The following DHRS3 variants were observed in gnomAD, a reference collection of about 807,000 sequenced individuals.
DHRS3 encodes dehydrogenase/reductase 3, also known as short-chain dehydrogenase/reductase 3.
In DHRS3, 14 loss-of-function variants were observed where a neutral mutation model predicts 27.2. That is an observed-to-expected ratio of 0.52 (90% confidence interval 0.34 to 0.81). The LOEUF (loss-of-function observed/expected upper bound fraction) is 0.81. Ranked by LOEUF, DHRS3 falls within the 30% of genes least tolerant of loss-of-function variation. The pLI is 0.01. For synonymous variants in DHRS3, 165 were observed against 175.9 expected (o/e 0.94, Z 0.49); for missense variants, 322 against 406.2 (o/e 0.79, Z 1.78).
Position 12,578,609 on chromosome 1 carries a change from G to A in DHRS3, c.698+109C>T, listed in dbSNP as rs969106565. 12 of 1,144,344 alleles carry A rather than the reference G, an allele frequency of 1.0e-5. No homozygotes were observed. Among genetic ancestry groups the A allele is most frequent in the South Asian group, 4.2e-5 (3 of 72,002 alleles). The allele number at this position is 1,144,344 out of a possible 1,614,324, so 70.9% of individuals were successfully genotyped here. ...GCTAGGATTATAGGTATGAGGCACCGTGCCTAGCCCGATTTTTATATCAGA... is the reference window on the plus strand; with the variant it reads ...GCTAGGATTATAGGTATGAGGCACCATGCCTAGCCCGATTTTTATATCAGA... On this transcript the variant is annotated intron_variant, in intron 4 of 5. Coordinates refer to ENST00000616661, the MANE Select transcript of DHRS3 (RefSeq NM_004753.7). This position sits in a 1 kb window ranked among gnomAD's most constrained non-coding sequence, Gnocchi z 4.5.
chr1:12,596,603 G>C (rs1646799662), intron 1 of DHRS3, among the ~76,000 whole-genome samples: 1 of 152,146 alleles, frequency 6.6e-6, no homozygotes, highest in African/African-American at 2.4e-5. Context: ...TCAGAGCTGA[G>C]AGCCTGCACT....
intron 1 of DHRS3, among the ~76,000 whole-genome samples, chr1:12,612,851 G>C (rs1646919561): frequency 6.6e-6 from 1 of 152,080 alleles, no homozygotes; most frequent in African/African-American, 2.4e-5. Flanking sequence ...CTGAGGTTGG[G>C]AGTTCGAGAC....
intron 1 of DHRS3, among the ~76,000 whole-genome samples, chr1:12,616,320 G>A (rs1330791075): frequency 6.6e-6 from 1 of 152,148 alleles, no homozygotes; most frequent in Non-Finnish European, 1.5e-5. Flanking sequence ...GAGTCAGCCT[G>A]GCCTGGGCTG....
chr1:12,617,335 C>T lies in DHRS3; in HGVS notation c.14G>A (p.Arg5Gln). 3 of 1,600,732 alleles carry T rather than the reference C, an allele frequency of 1.9e-6. No homozygotes were observed. The highest frequency in any genetic ancestry group is 2.6e-6 in the Non-Finnish European group (3 of 1,169,582). The change falls in exon 1 of 6, where the codon CGG (arginine) becomes CAG (glutamine). Residue 5 changes from arginine to glutamine, a missense_variant. Arg to Gln is a conservative substitution (Grantham distance 43). Transcript: ENST00000616661. ...AGGGAACATCACCAGCGCGCCCAGC[C>T]GTTTCCACACCATCCTCCGCGCCGC... MVWK[R>Q]LGALVMFPLQ... is the part of the protein sequence containing the mutation.
chr1:12,580,379 C>A, intron 2 of DHRS3, 144 bp downstream of exon 2: 1 of 1,084,962 alleles, frequency 9.2e-7, no homozygotes, highest in Non-Finnish European at 1.4e-6. Flanking sequence ...GGGCCAGCTT[C>A]ATGGGAGAGT....
chr1:12,578,506 G>T lies in DHRS3; in HGVS notation c.698+212C>A, dbSNP rs753627290. Among the ~76,000 whole-genome samples the T allele has an allele frequency of 6.6e-6, 1 of 152,158 alleles. No homozygotes were observed. The highest frequency in any genetic ancestry group is 1.5e-5 in the Non-Finnish European group (1 of 68,030). ...ATTTTTTATTTTTTTTAGACACAGG[G>T]TTTCTCCATGCTGCCCAGGCTGGTC... On this transcript the variant is annotated intron_variant, in intron 4 of 5. Transcript: ENST00000616661. The surrounding 1 kb of genome is among the most constrained non-coding windows in gnomAD (Gnocchi z 4.5).
At chr1:12,590,381 G>A (rs982443481) in intron 1 of DHRS3, among the ~76,000 whole-genome samples, 9 of 152,264 alleles carry the variant, frequency 5.9e-5, no homozygotes, top group Middle Eastern at 3.4e-3. Flanking sequence ...CGTGATCTTG[G>A]CTCACTGAAA....
At chr1:12,584,682 C>T (rs1646676765) in intron 1 of DHRS3, among the ~76,000 whole-genome samples, 2 of 152,202 alleles carry the variant, frequency 1.3e-5, no homozygotes. Flanking sequence ...CAGAACCTTC[C>T]ACTCAAGTCT....
intron 3 of DHRS3, 40 bp downstream of exon 3, chr1:12,579,253 T>C (rs1446629571): frequency 9.9e-6 from 16 of 1,613,742 alleles, no homozygotes; most frequent in Non-Finnish European, 1.4e-5. Flanking sequence ...CTGGGCTCCC[T>C]GCACGCCCGG....
At chr1:12,612,838 C>T (rs578164588) in intron 1 of DHRS3, among the ~76,000 whole-genome samples, 2 of 152,178 alleles carry the variant, frequency 1.3e-5, no homozygotes, top group East Asian at 3.9e-4. Flanking sequence ...GCAGGTGGAT[C>T]ACCTGAGGTT....
intron 1 of DHRS3, among the ~76,000 whole-genome samples, chr1:12,587,588 G>T (rs568686347): frequency 2.0e-5 from 3 of 152,110 alleles, no homozygotes; most frequent in Non-Finnish European, 2.9e-5. Flanking sequence ...GTGGGGCTGG[G>T]TGTGGTGGCT....
At chr1:12,606,542 T>C (rs547827367) in intron 1 of DHRS3, among the ~76,000 whole-genome samples, 1 of 152,176 alleles carries the variant, frequency 6.6e-6, no homozygotes, top group South Asian at 2.1e-4. Context: ...CAGGCTGGAG[T>C]GCAATGACGT....
At chr1:12,582,101 A>G (rs3128446) in intron 1 of DHRS3, among the ~76,000 whole-genome samples, 57,096 of 152,022 alleles carry the variant, frequency 0.38, 12,528 homozygotes, top group East Asian at 0.65. Context: ...TGGCGGCTCC[A>G]ATGACATCAG....
chr1:12,600,063 G>A (rs1050172658), intron 1 of DHRS3, among the ~76,000 whole-genome samples: 1 of 152,114 alleles, frequency 6.6e-6, no homozygotes, highest in Non-Finnish European at 1.5e-5. Flanking sequence ...GCTCAGAGAG[G>A]TCCAGTAACT....
At chr1:12,569,171 C>T (rs1646511074) in intron 5 of DHRS3, among the ~76,000 whole-genome samples, 2 of 148,704 alleles carry the variant, frequency 1.3e-5, no homozygotes, top group South Asian at 2.2e-4. Flanking sequence ...GGGCCGAGAT[C>T]GCGCCGTTGC....
chr1:12,579,084 G>A (rs1424086080), intron 3 of DHRS3, 128 bp from the exon 4 acceptor site: 12 of 1,222,084 alleles, frequency 9.8e-6, no homozygotes, highest in South Asian at 7.0e-5. Context: ...CTGCGAGGGA[G>A]AGGGCCGAGG....
intron 1 of DHRS3, chr1:12,616,736 C>A: frequency 9.9e-7 from 1 of 1,011,696 alleles, no homozygotes; most frequent in Non-Finnish European, 1.2e-6. Flanking sequence ...AAGGAAAATA[C>A]GAGGCGCCAG....
intron 1 of DHRS3, among the ~76,000 whole-genome samples, chr1:12,599,838 T>A (rs181368334): frequency 6.6e-6 from 1 of 152,346 alleles, no homozygotes; most frequent in African/African-American, 2.4e-5. Flanking sequence ...CTGTGTGACC[T>A]TGGGCAAGTA....
At chr1:12,606,788 C>A (rs1459483232) in intron 1 of DHRS3, among the ~76,000 whole-genome samples, 1 of 152,072 alleles carries the variant, frequency 6.6e-6, no homozygotes, top group African/African-American at 2.4e-5. Flanking sequence ...AGCCACCGTG[C>A]CCAGCTGCTT....
Sources: gnomAD v4.1 joint callset for allele counts (sites outside exome capture counted in the v4.1 genomes callset) on GRCh38, gnomAD v4.1.1 for gene constraint, Gnocchi (gnomAD v3.1) non-coding constraint, MANE v1.5 for transcripts, NCBI Gene and HGNC (gene_info 2026-07-23, HGNC 2026-07-21) for gene names.